CHIC1: variants seen among roughly 807,000 people sequenced by gnomAD.
The protein encoded by CHIC1 is cysteine-rich hydrophobic domain-containing protein 1.
CHIC1 carries 7 observed loss-of-function variants against 18.5 expected under a neutral mutation model. The observed-to-expected ratio is 0.38, with a 90% CI of 0.22 to 0.71. CHIC1 has a LOEUF of 0.71. Ranked by LOEUF, CHIC1 falls within the 30% of genes least tolerant of loss-of-function variation. CHIC1 has a pLI of 0.49. For synonymous variants in CHIC1, 77 were observed against 73.5 expected, an observed-to-expected ratio of 1.05 and a Z score of -0.25; for missense variants, 159 against 176.9, an observed-to-expected ratio of 0.90 and a Z score of 0.57.
At position 73,658,002 on chromosome X, in the gene CHIC1, G is replaced by A. The variant is rs760571329; in HGVS notation, c.508-21324G>A. Among the ~76,000 whole-genome samples, 9 of 111,474 alleles carry A rather than the reference G, an allele frequency of 8.1e-5. No individual in the cohort carries two copies. The South Asian group carries it at 3.0e-3, about 38-fold the overall frequency. ...TGGTGGATAAGCCTTTTAATGTGCTGCTGGATTTGGATTGCCAGTATTTTG... is the reference window on the plus strand; with the variant it reads ...TGGTGGATAAGCCTTTTAATGTGCTACTGGATTTGGATTGCCAGTATTTTG... On this transcript the variant is annotated intron_variant, in intron 3 of 5. Coordinates refer to ENST00000373502, the MANE Select transcript of CHIC1 (RefSeq NM_001039840.4).
chrX:73,590,596 A>G (rs1307579533), intron 3 of CHIC1, among the ~76,000 whole-genome samples: 1 of 111,686 alleles, frequency 9.0e-6, no homozygotes, highest in Admixed American at 9.5e-5. Context: ...TCACTGCCCT[A>G]AAACTCCATT....
chrX:73,649,115 G>T (rs2057903364), intron 3 of CHIC1, among the ~76,000 whole-genome samples: 1 of 111,864 alleles, frequency 8.9e-6, no homozygotes, highest in African/African-American at 3.3e-5. Context: ...TTAACTGAAG[G>T]AGAAATAAAA....
intron 3 of CHIC1, among the ~76,000 whole-genome samples, chrX:73,618,457 G>A (rs1328115880): frequency 5.4e-5 from 6 of 111,403 alleles, no homozygotes; most frequent in Non-Finnish European, 9.4e-5. Flanking sequence ...TGTGGCTGCC[G>A]TAGGGGCTGG....
At position 73,681,691 on chromosome X, in the gene CHIC1, A is replaced by C. The variant is rs1243581274; in HGVS notation, c.*686A>C. The stretch of plus-strand genomic sequence containing the variant: ...AATGAAGTTTGCAAGCATCCCTTTG[A>C]ATGTAGAAACTGCTAACATGCTGTT... On this transcript the variant is annotated 3_prime_UTR_variant, in exon 6 of 6. Coordinates refer to ENST00000373502, the MANE Select transcript of CHIC1 (RefSeq NM_001039840.4). 1 of 112,496 alleles carries C rather than the reference A, an allele frequency of 8.9e-6. No individual in the cohort carries two copies. Among genetic ancestry groups the C allele is most frequent in the Non-Finnish European group, 1.9e-5 (1 of 53,002 alleles). 9.3% of individuals were successfully genotyped at this position (112,496 alleles called of 1,213,427 possible).
intron 1 of CHIC1, among the ~76,000 whole-genome samples, chrX:73,574,028 A>G (rs976840583): frequency 1.8e-5 from 2 of 110,249 alleles, no homozygotes; most frequent in Non-Finnish European, 3.8e-5. Flanking sequence ...GAATGGTTCC[A>G]GCTTTTGCTT....
chrX:73,596,517 GA>G (rs1169500736), intron 3 of CHIC1, among the ~76,000 whole-genome samples: 2 of 111,572 alleles, frequency 1.8e-5, no homozygotes, highest in Admixed American at 1.9e-4. Flanking sequence ...CACAGAATTA[GA>G]AAAAACTACT....
At chrX:73,679,189 T>C in intron 3 of CHIC1, 137 bp from the exon 4 acceptor site, 1 of 438,021 alleles carries the variant, frequency 2.3e-6, no homozygotes, top group South Asian at 4.0e-5. Context: ...GCCACTGATA[T>C]TGCTTATTTC....
At position 73,681,969 on chromosome X, in the gene CHIC1, A is replaced by C. The variant is rs771579369; in HGVS notation, c.*964A>C. 37 of 111,835 alleles carry C rather than the reference A, an allele frequency of 3.3e-4. No homozygotes were observed. The highest frequency in any genetic ancestry group is 1.1e-3 in the African/African-American group (33 of 30,953). 9.2% of individuals were successfully genotyped at this position (111,835 alleles called of 1,213,427 possible). ...CATTTATTAGCCTTTTCTTCCTTTG[A>C]AAATACACACAATTATGACTTTTAA... On this transcript the variant is annotated 3_prime_UTR_variant, in exon 6 of 6. Transcript: ENST00000373502.
rs949416904 is a variant in CHIC1 at position 73,686,403 on chromosome X, T to TAC, written c.*5406_*5407dup. 9.0e-6 allele frequency: 1 copy of TAC among 111,428 alleles called. No individual in the cohort carries two copies. The highest frequency in any genetic ancestry group is 1.9e-5 in the Non-Finnish European group (1 of 52,912). 9.2% of individuals were successfully genotyped at this position (111,428 alleles called of 1,213,427 possible). ...TAGGTGTGTACATGTTGCTCATACA[T>TAC]ACACACACATATAGGATTACAAATG... On this transcript the variant is annotated 3_prime_UTR_variant, in exon 6 of 6. Coordinates refer to ENST00000373502, the MANE Select transcript of CHIC1 (RefSeq NM_001039840.4).
chrX:73,609,027 C>A (rs2057695568), intron 3 of CHIC1, among the ~76,000 whole-genome samples: 1 of 105,882 alleles, frequency 9.4e-6, no homozygotes, highest in Non-Finnish European at 1.9e-5. Flanking sequence ...TGGTGGCACA[C>A]TCCTGTATTC....
At chrX:73,567,285 GT>G (rs1299905833) in intron 1 of CHIC1, among the ~76,000 whole-genome samples, 1 of 110,003 alleles carries the variant, frequency 9.1e-6, no homozygotes, top group Non-Finnish European at 1.9e-5. Flanking sequence ...ATAGCTTACT[GT>G]TATCTTAAAT....
At chrX:73,572,163 C>G (rs960640254) in intron 1 of CHIC1, among the ~76,000 whole-genome samples, 1 of 111,041 alleles carries the variant, frequency 9.0e-6, no homozygotes, top group Non-Finnish European at 1.9e-5. Flanking sequence ...TCTTTATGTT[C>G]ATGTGTACTT....
intron 3 of CHIC1, among the ~76,000 whole-genome samples, chrX:73,676,323 G>T (rs1365337496): frequency 8.9e-6 from 1 of 112,227 alleles, no homozygotes; most frequent in Non-Finnish European, 1.9e-5. Context: ...ATCCTGGAGA[G>T]TGTTTTCCAA....
At chrX:73,637,403 C>A (rs2057836365) in intron 3 of CHIC1, among the ~76,000 whole-genome samples, 1 of 107,804 alleles carries the variant, frequency 9.3e-6, no homozygotes, top group Non-Finnish European at 1.9e-5. Flanking sequence ...TTTGGAAATT[C>A]ATTTCATTCA....
At chrX:73,633,186 TC>T (rs1303945734) in intron 3 of CHIC1, among the ~76,000 whole-genome samples, 1 of 111,709 alleles carries the variant, frequency 9.0e-6, no homozygotes, top group African/African-American at 3.3e-5. Flanking sequence ...GTTTAGCATT[TC>T]TTACAAGGCA....
intron 3 of CHIC1, among the ~76,000 whole-genome samples, chrX:73,639,256 T>A (rs2057844247): frequency 8.9e-6 from 1 of 112,004 alleles, no homozygotes; most frequent in African/African-American, 3.2e-5. Flanking sequence ...TGGTTTTGAT[T>A]TTCATTTCTC....
chrX:73,648,372 G>A (rs760139112), intron 3 of CHIC1, among the ~76,000 whole-genome samples: 2 of 112,164 alleles, frequency 1.8e-5, no homozygotes, highest in African/African-American at 3.2e-5. Context: ...TGAGATGGAC[G>A]AATTGACAGA....
At chrX:73,579,905 G>T (rs1171802986) in intron 2 of CHIC1, among the ~76,000 whole-genome samples, 1 of 110,660 alleles carries the variant, frequency 9.0e-6, no homozygotes, top group Non-Finnish European at 1.9e-5. Context: ...TAAAGAGAAT[G>T]TGAATTATAA....
chrX:73,672,244 T>C (rs2058035082), intron 3 of CHIC1, among the ~76,000 whole-genome samples: 1 of 112,049 alleles, frequency 8.9e-6, no homozygotes, highest in South Asian at 3.7e-4. Flanking sequence ...TGCATGTGTC[T>C]TTATAGCAGC....
Sources: allele counts gnomAD v4.1 joint callset (sites outside exome capture counted in the v4.1 genomes callset), GRCh38; gene constraint gnomAD v4.1.1; transcripts MANE v1.5; gene names NCBI Gene and HGNC (gene_info 2026-07-23, HGNC 2026-07-21).